The following UBE2G1 variants were observed in gnomAD, a reference collection of about 807,000 sequenced individuals.
UBE2G1 encodes the protein ubiquitin conjugating enzyme E2 G1.
UBE2G1 carries 5 observed loss-of-function variants against 22.7 expected under a neutral mutation model. The ratio of observed to expected loss-of-function variants is 0.22; its 90% CI spans 0.12 to 0.46. The LOEUF (loss-of-function observed/expected upper bound fraction) is 0.46. Ranked by LOEUF, UBE2G1 falls within the 20% of genes least tolerant of loss-of-function variation. UBE2G1 has a pLI of 0.99. For missense variants in UBE2G1, 88 were observed against 203.9 expected, an observed-to-expected ratio of 0.43 and a Z score of 3.46; for synonymous variants, 74 against 67.5, an observed-to-expected ratio of 1.10 and a Z score of -0.47.
At chr17:4,337,428 G>C (rs992661457) in intron 1 of UBE2G1, among the ~76,000 whole-genome samples, 1 of 151,980 alleles carries the variant, frequency 6.6e-6, no homozygotes, top group African/African-American at 2.4e-5. Flanking sequence ...CGAGGCAGGT[G>C]GATCACCTGA....
At chr17:4,328,185 A>G (rs1969523941) in intron 1 of UBE2G1, among the ~76,000 whole-genome samples, 1 of 152,248 alleles carries the variant, frequency 6.6e-6, no homozygotes, top group East Asian at 1.9e-4. Context: ...AGCCTTGACT[A>G]GAATGATGGT....
intron 1 of UBE2G1, among the ~76,000 whole-genome samples, chr17:4,365,472 G>A (rs1014747726): frequency 1.1e-4 from 16 of 152,326 alleles, no homozygotes; most frequent in African/African-American, 3.4e-4. Context: ...GCTCCTCGGG[G>A]AGGCCGACCC....
intron 1 of UBE2G1, among the ~76,000 whole-genome samples, chr17:4,344,852 G>C (rs1242779253): frequency 1.3e-5 from 2 of 152,010 alleles, no homozygotes; most frequent in South Asian, 2.1e-4. Context: ...CAGAGACTCT[G>C]TCCCTAAATA....
chr17:4,330,301 G>A (rs1969557508), intron 1 of UBE2G1, among the ~76,000 whole-genome samples: 1 of 152,016 alleles, frequency 6.6e-6, no homozygotes, highest in Non-Finnish European at 1.5e-5. Context: ...GTTTCTCCCA[G>A]GCACTTTTCC....
At position 4,296,888 on chromosome 17, in the gene UBE2G1, T is replaced by C. The variant is rs1347111764; in HGVS notation, c.150-74A>G. On this transcript the variant is annotated intron_variant, in intron 2 of 5. Coordinates refer to ENST00000396981, the MANE Select transcript of UBE2G1 (RefSeq NM_003342.5). Reference sequence around the variant, plus strand: ...AAGTATAGAAGTGTTAAAACAAATATAAAACAAGGGTGCTAGCACTAACAT... The same window carrying C: ...AAGTATAGAAGTGTTAAAACAAATACAAAACAAGGGTGCTAGCACTAACAT... The C allele has an allele frequency of 2.8e-5, 37 of 1,320,928 alleles. No homozygotes were observed. In the East Asian group the frequency reaches 6.5e-4, roughly 23 times the overall value. The allele number at this position is 1,320,928 out of a possible 1,614,324, so 81.8% of individuals were successfully genotyped here. A position where few individuals can be genotyped will look rare whatever the true frequency, so the allele number is the denominator to read the frequency against.
chr17:4,327,299 AAAAAATAC>A lies in UBE2G1; in HGVS notation c.47-20184_47-20177del, dbSNP rs548323968. On this transcript the variant is annotated intron_variant, in intron 1 of 5. Coordinates refer to ENST00000396981, the MANE Select transcript of UBE2G1 (RefSeq NM_003342.5). The stretch of plus-strand genomic sequence containing the variant: ...GTGACAGAGCAAGACTCTGTCTCAA[AAAAAATAC>A]AAAAATACAAAAATAGCCGTAGTGG... Among the ~76,000 whole-genome samples, 447 of 151,858 alleles carry A rather than the reference AAAAAATAC, an allele frequency of 2.9e-3. 3 individuals are homozygous for A. Among genetic ancestry groups the A allele is most frequent in the African/African-American group, 9.9e-3 (410 of 41,382 alleles).
chr17:4,278,470 G>A (rs1428952359), intron 5 of UBE2G1, among the ~76,000 whole-genome samples: 2 of 152,130 alleles, frequency 1.3e-5, no homozygotes, highest in Admixed American at 6.6e-5. Flanking sequence ...GATGTTTTAC[G>A]AAATTCTACC....
At chr17:4,289,521 T>C in intron 3 of UBE2G1, 113 bp from the exon 4 acceptor site, 1 of 1,181,556 alleles carries the variant, frequency 8.5e-7, no homozygotes. Context: ...ACATGACACA[T>C]ACGCAGAAGT....
At chr17:4,287,876 G>GA (rs1041777678) in intron 4 of UBE2G1, among the ~76,000 whole-genome samples, 108 of 146,232 alleles carry the variant, frequency 7.4e-4, no homozygotes, top group South Asian at 1.7e-3. Flanking sequence ...GATTTAAAAA[G>GA]AAAAAAAAAA....
At chr17:4,292,398 C>T (rs992090589) in intron 3 of UBE2G1, among the ~76,000 whole-genome samples, 7 of 152,044 alleles carry the variant, frequency 4.6e-5, no homozygotes, top group Non-Finnish European at 7.4e-5. Context: ...CTAGCTACCT[C>T]CTTTTTCTTG....
intron 2 of UBE2G1, among the ~76,000 whole-genome samples, chr17:4,297,828 T>G (rs1408933565): frequency 6.6e-6 from 1 of 152,246 alleles, no homozygotes; most frequent in East Asian, 1.9e-4. Context: ...CATTTGCACA[T>G]CTGATTCTTC....
intron 1 of UBE2G1, among the ~76,000 whole-genome samples, chr17:4,330,285 C>T (rs757442853): frequency 2.6e-5 from 4 of 152,084 alleles, no homozygotes; most frequent in Non-Finnish European, 5.9e-5. Flanking sequence ...AATCAACTGC[C>T]GCCAAGTTTC....
At chr17:4,315,416 G>C (rs1371013166) in intron 1 of UBE2G1, among the ~76,000 whole-genome samples, 1 of 152,110 alleles carries the variant, frequency 6.6e-6, no homozygotes, top group African/African-American at 2.4e-5. Flanking sequence ...GACCCAACTA[G>C]ACGTCATTTT....
chr17:4,350,272 C>T (rs1182493508), intron 1 of UBE2G1, among the ~76,000 whole-genome samples: 2 of 151,992 alleles, frequency 1.3e-5, no homozygotes, highest in African/African-American at 4.8e-5. Context: ...ACCAGCCTGG[C>T]CAACATGGTG....
intron 1 of UBE2G1, among the ~76,000 whole-genome samples, chr17:4,315,973 A>G (rs1969365791): frequency 6.6e-6 from 1 of 150,588 alleles, no homozygotes; most frequent in Non-Finnish European, 1.5e-5. Flanking sequence ...ACGCCCGGCT[A>G]ATTTTTTATA....
chr17:4,347,211 C>A (rs1329012522), intron 1 of UBE2G1, among the ~76,000 whole-genome samples: 2 of 152,010 alleles, frequency 1.3e-5, no homozygotes, highest in Non-Finnish European at 2.9e-5. Flanking sequence ...TGCTTGGGAC[C>A]AAAAACATTC....
chr17:4,289,129 A>ACACACG (rs1291867682), intron 4 of UBE2G1, 101 bp downstream of exon 4: 1 of 933,020 alleles, frequency 1.1e-6, no homozygotes, highest in African/African-American at 1.7e-5. Context: ...ACACACACAC[A>ACACACG]CGCATGCATA....
At chr17:4,294,194 T>C (rs1969077206) in intron 3 of UBE2G1, among the ~76,000 whole-genome samples, 2 of 152,002 alleles carry the variant, frequency 1.3e-5, no homozygotes, top group Non-Finnish European at 2.9e-5. Context: ...GGCAGACAGA[T>C]CACATGAGGT....
At chr17:4,327,962 A>C (rs1378221973) in intron 1 of UBE2G1, among the ~76,000 whole-genome samples, 1 of 152,202 alleles carries the variant, frequency 6.6e-6, no homozygotes, top group Non-Finnish European at 1.5e-5. Flanking sequence ...TTCCTTCTGC[A>C]GGAACCCTTT....
Sources: allele counts gnomAD v4.1 joint callset (sites outside exome capture counted in the v4.1 genomes callset), GRCh38; gene constraint gnomAD v4.1.1; transcripts MANE v1.5; gene names NCBI Gene and HGNC (gene_info 2026-07-23, HGNC 2026-07-21).